The following OPCML variants were observed in gnomAD, a reference collection of about 807,000 sequenced individuals.
The protein encoded by OPCML is opioid-binding protein/cell adhesion molecule.
A neutral mutation model predicts 37.8 loss-of-function variants in OPCML; 13 were observed. The ratio of observed to expected loss-of-function variants is 0.34; its 90% confidence interval spans 0.22 to 0.55. The LOEUF (loss-of-function observed/expected upper bound fraction) is 0.55, where lower values mean the gene tolerates loss of function less well. Ranked by LOEUF, OPCML falls within the 20% of genes least tolerant of loss-of-function variation. The pLI is 0.91. For missense variants in OPCML, 341 were observed against 435.6 expected, an observed-to-expected ratio of 0.78 and a Z score of 1.93; for synonymous variants, 176 against 168.8, an observed-to-expected ratio of 1.04 and a Z score of -0.33.
chr11:133,399,482 C>T (rs925628722), intron 1 of OPCML, among the ~76,000 whole-genome samples: 5 of 152,172 alleles, frequency 3.3e-5, no homozygotes, highest in African/African-American at 1.2e-4. Flanking sequence ...CTCCTCATCA[C>T]CATCATCAGT....
At chr11:132,913,637 G>A (rs762151594) in intron 2 of OPCML, among the ~76,000 whole-genome samples, 2 of 152,102 alleles carry the variant, frequency 1.3e-5, no homozygotes, top group African/African-American at 4.8e-5. Context: ...GGCCTCCAAA[G>A]GTTGCACAGC....
intron 2 of OPCML, among the ~76,000 whole-genome samples, chr11:132,831,280 TTG>T (rs1433161305): frequency 6.6e-6 from 1 of 151,306 alleles, no homozygotes; most frequent in East Asian, 1.9e-4. Context: ...AACAACAAAT[TTG>T]TGTTTCAATG....
chr11:132,474,411 C>T (rs1242120990), intron 4 of OPCML, among the ~76,000 whole-genome samples: 3 of 152,142 alleles, frequency 2.0e-5, no homozygotes, highest in Non-Finnish European at 4.4e-5. Flanking sequence ...TATGGAAAAG[C>T]AGGAAGATGA....
intron 1 of OPCML, among the ~76,000 whole-genome samples, chr11:133,342,582 G>C (rs1943897605): frequency 6.6e-6 from 1 of 152,192 alleles, no homozygotes; most frequent in African/African-American, 2.4e-5. Context: ...CCTCCAGAGG[G>C]ACCCGTGCGG....
At chr11:132,841,143 G>A (rs1471186545) in intron 2 of OPCML, among the ~76,000 whole-genome samples, 2 of 152,236 alleles carry the variant, frequency 1.3e-5, no homozygotes, top group African/African-American at 4.8e-5. Flanking sequence ...AGCCGTTAAA[G>A]CAGCCATTAA....
At chr11:132,773,166 T>A (rs769884231) in intron 2 of OPCML, 1 of 152,116 alleles carries the variant, frequency 6.6e-6, no homozygotes, top group Non-Finnish European at 1.5e-5. Flanking sequence ...AGCTTCCTTC[T>A]AGGAAGGAGG....
chr11:132,887,744 A>C (rs1253178396), intron 2 of OPCML, among the ~76,000 whole-genome samples: 1 of 152,276 alleles, frequency 6.6e-6, no homozygotes, highest in East Asian at 1.9e-4. Flanking sequence ...AAATGGTTTA[A>C]GAGAGTGTCA....
chr11:132,868,428 C>A (rs1167886477), intron 2 of OPCML, among the ~76,000 whole-genome samples: 1 of 151,548 alleles, frequency 6.6e-6, no homozygotes, highest in Non-Finnish European at 1.5e-5. Flanking sequence ...ACAGTGTCAG[C>A]CCTGTAGGCG....
At chr11:132,449,674 C>G (rs2096063822) in intron 4 of OPCML, among the ~76,000 whole-genome samples, 1 of 152,136 alleles carries the variant, frequency 6.6e-6, no homozygotes, top group Non-Finnish European at 1.5e-5. Context: ...CAGCTCAGCA[C>G]CAACAGGTTC....
intron 2 of OPCML, among the ~76,000 whole-genome samples, chr11:132,708,227 A>G (rs982772062): frequency 6.6e-6 from 1 of 152,214 alleles, no homozygotes; most frequent in African/African-American, 2.4e-5. Context: ...AGGTCTTTCT[A>G]TTGTACAGTT....
rs372972144 is a variant in OPCML, at chr11:132,637,782, T to C, written c.379+19305A>G. Among the ~76,000 whole-genome samples the C allele has an allele frequency of 5.3e-5, 8 of 152,306 alleles. No homozygotes were observed. The South Asian group carries it at 8.3e-4, about 16-fold the overall frequency. On this transcript the variant is annotated intron_variant, in intron 3 of 7. Transcript: ENST00000524381. ...TCAGGACACATAGACATTGTCCATA[T>C]GGAACTTTCTTGTGTCTAGATTCAT...
Position 132,467,410 on chromosome 11 carries a change from G to T in OPCML, c.506-30051C>A, listed in dbSNP as rs2096123339. ...TAAAATGCTGAAGTTTTCTTTTCCT[G>T]CAGAACAATGTCACATTAGTCAACT... is the stretch of plus-strand genomic sequence containing the variant. On this transcript the variant is annotated intron_variant, in intron 4 of 7. Transcript: ENST00000524381. Among the ~76,000 whole-genome samples the T allele has an allele frequency of 2.0e-5, 3 of 152,340 alleles. No individual in the cohort carries two copies. In the South Asian group the frequency reaches 6.2e-4, roughly 32 times the overall value.
intron 2 of OPCML, among the ~76,000 whole-genome samples, chr11:132,893,985 C>T (rs1943745773): frequency 6.6e-6 from 1 of 152,182 alleles, no homozygotes. Flanking sequence ...CACACACAAG[C>T]ACATGCCACA....
intron 1 of OPCML, among the ~76,000 whole-genome samples, chr11:133,335,381 C>CTTCAGAACAAGACAA (rs1291215851): frequency 1.3e-5 from 2 of 152,130 alleles, no homozygotes; most frequent in African/African-American, 4.8e-5. Context: ...GACAAGTGGC[C>CTTCAGAACAAGACAA]GGCAGATTGT....
Position 133,223,521 on chromosome 11 carries a change from G to A in OPCML, c.62-280511C>T, listed in dbSNP as rs367996092. ...CTGGAGGGGAGGAGGAGGCATAGTCGGGAAAAATATGGGGACGGGGGTCAG... is the reference window on the plus strand; with the variant it reads ...CTGGAGGGGAGGAGGAGGCATAGTCAGGAAAAATATGGGGACGGGGGTCAG... On this transcript the variant is annotated intron_variant, in intron 1 of 7. Coordinates refer to ENST00000524381, the MANE Select transcript of OPCML (RefSeq NM_001012393.5). Among the ~76,000 whole-genome samples the A allele has an allele frequency of 2.7e-3, 417 of 152,206 alleles. 4 individuals are homozygous for A. Among genetic ancestry groups the A allele is most frequent in the Middle Eastern group, 6.8e-3 (2 of 292 alleles).
rs962995481 is a variant in OPCML, at chr11:133,450,209, A to G, written c.61+82055T>C. The stretch of plus-strand genomic sequence containing the variant: ...CTTACTCTGGACATAGAGTGATGAG[A>G]GATAATAAACATCTATTGATTAAGT... On this transcript the variant is annotated intron_variant, in intron 1 of 7. Transcript: ENST00000524381. Among the ~76,000 whole-genome samples, 5 of 151,750 alleles carry G rather than the reference A, an allele frequency of 3.3e-5. 1 individual carries two copies. The highest frequency in any genetic ancestry group is 2.1e-4 in the South Asian group (1 of 4,836).
intron 2 of OPCML, among the ~76,000 whole-genome samples, chr11:132,796,468 T>G (rs1033199895): frequency 6.6e-6 from 1 of 152,150 alleles, no homozygotes; most frequent in Non-Finnish European, 1.5e-5. Context: ...GCCAGATTGT[T>G]TTCCAAAAAC....
In OPCML at chr11:132,807,783, G is replaced by A. The variant is rs565174448; in HGVS notation, c.146+135143C>T. Among the ~76,000 whole-genome samples, 6 of 152,230 alleles carry A rather than the reference G, an allele frequency of 3.9e-5. No homozygotes were observed. In the East Asian group the frequency reaches 7.7e-4, roughly 20 times the overall value. ...AGAATTTCCACTCCCAGCTAAACCC[G>A]TATCAATCAAAGGGATAGAATTTAT... On this transcript the variant is annotated intron_variant, in intron 2 of 7. Transcript: ENST00000524381.
At chr11:133,063,902 A>T (rs531661916) in intron 1 of OPCML, among the ~76,000 whole-genome samples, 17 of 152,188 alleles carry the variant, frequency 1.1e-4, no homozygotes, top group Admixed American at 2.6e-4. Flanking sequence ...CTTCAAAGCC[A>T]TTCCTGAATT....
Sources: gnomAD v4.1 joint callset for allele counts (sites outside exome capture counted in the v4.1 genomes callset) on GRCh38, gnomAD v4.1.1 for gene constraint, MANE v1.5 for transcripts, NCBI Gene and HGNC (gene_info 2026-07-23, HGNC 2026-07-21) for gene names.